Variants in KCNAB1 observed in about 807,000 individuals in gnomAD.
The protein encoded by KCNAB1 is potassium voltage-gated channel subfamily A regulatory beta subunit 1, also known as voltage-gated potassium channel subunit beta-1.
KCNAB1 carries 35 observed loss-of-function variants against 64.6 expected under a neutral mutation model. That is an observed-to-expected ratio of 0.54 (90% CI 0.41 to 0.72). KCNAB1 has a LOEUF of 0.72. Among genes scored for constraint, KCNAB1 ranks in the 30% least tolerant of loss-of-function variants. The pLI is 0.00. For synonymous variants in KCNAB1, 177 were observed against 183.8 expected, an observed-to-expected ratio of 0.96 and a Z score of 0.30; for missense variants, 401 against 512.9, an observed-to-expected ratio of 0.78 and a Z score of 2.11.
At chr3:156,200,081 CT>C (rs1187731833) in intron 1 of KCNAB1, among the ~76,000 whole-genome samples, 1 of 152,238 alleles carries the variant, frequency 6.6e-6, no homozygotes, top group Non-Finnish European at 1.5e-5. Context: ...TCAAGACCCT[CT>C]GCTGCAGGTC....
At chr3:156,286,496 C>T (rs551299018) in intron 1 of KCNAB1, among the ~76,000 whole-genome samples, 13 of 152,216 alleles carry the variant, frequency 8.5e-5, no homozygotes, top group African/African-American at 2.9e-4. Context: ...GAATATAAAC[C>T]GTAAATTCTG....
chr3:156,393,409 C>T (rs925835023), intron 1 of KCNAB1, among the ~76,000 whole-genome samples: 1 of 152,196 alleles, frequency 6.6e-6, no homozygotes, highest in African/African-American at 2.4e-5. Flanking sequence ...TCCTTCTCCC[C>T]CAGTTGCTGC....
chr3:156,370,921 C>T (rs1408640617), intron 1 of KCNAB1, among the ~76,000 whole-genome samples: 5 of 152,202 alleles, frequency 3.3e-5, no homozygotes, highest in Admixed American at 3.3e-4. Context: ...TTGTGAACAT[C>T]ATGCAGTTCA....
intron 1 of KCNAB1, among the ~76,000 whole-genome samples, chr3:156,180,864 AGTTT>A (rs1056467587): frequency 1.4e-4 from 22 of 152,200 alleles, no homozygotes; most frequent in Admixed American, 2.0e-4. Flanking sequence ...GATGTACATT[AGTTT>A]GTTTGGGTTG....
chr3:156,285,375 A>T (rs2108509917), intron 1 of KCNAB1, among the ~76,000 whole-genome samples: 1 of 152,356 alleles, frequency 6.6e-6, no homozygotes, highest in African/African-American at 2.4e-5. Context: ...AACTAATGAC[A>T]GTTGTAAAAA....
intron 1 of KCNAB1, among the ~76,000 whole-genome samples, chr3:156,147,321 G>T (rs1378750927): frequency 6.6e-6 from 1 of 152,178 alleles, no homozygotes; most frequent in African/African-American, 2.4e-5. Context: ...TTTGTGTAAG[G>T]AATAATATCC....
At chr3:156,128,646 C>A (rs963069248) in intron 1 of KCNAB1, among the ~76,000 whole-genome samples, 2 of 152,288 alleles carry the variant, frequency 1.3e-5, no homozygotes, top group African/African-American at 4.8e-5. Flanking sequence ...TGTGCCTGAT[C>A]ATCTAGGCCC....
chr3:156,275,619 A>G (rs894833440), intron 1 of KCNAB1, among the ~76,000 whole-genome samples: 13 of 152,186 alleles, frequency 8.5e-5, no homozygotes, highest in African/African-American at 3.1e-4. Context: ...AATATTCTGA[A>G]TCATTTGTTG....
At chr3:156,253,436 AGCAGCAGGGC>A (rs1305657694) in intron 1 of KCNAB1, among the ~76,000 whole-genome samples, 1 of 152,152 alleles carries the variant, frequency 6.6e-6, no homozygotes, top group Non-Finnish European at 1.5e-5. Flanking sequence ...GCCTGTTAGG[AGCAGCAGGGC>A]TGAGTGCTAT....
chr3:156,120,445 T>C (rs1713268097), upstream of KCNAB1: 5 of 773,356 alleles, frequency 6.5e-6, no homozygotes, highest in Admixed American at 2.3e-5. Flanking sequence ...AGGTTAGAGA[T>C]ACATTTTCAT....
chr3:156,526,131 C>T (rs1234075655), intron 12 of KCNAB1, among the ~76,000 whole-genome samples: 3 of 152,100 alleles, frequency 2.0e-5, no homozygotes, highest in Admixed American at 1.3e-4. Flanking sequence ...GTGTTACAGC[C>T]GCCTATAGTA....
At chr3:156,462,188 A>G (rs1712964489) in intron 5 of KCNAB1, among the ~76,000 whole-genome samples, 3 of 152,374 alleles carry the variant, frequency 2.0e-5, no homozygotes, top group African/African-American at 7.2e-5. Flanking sequence ...TGTGGGAGTC[A>G]GTGACAATTT....
intron 1 of KCNAB1, among the ~76,000 whole-genome samples, chr3:156,401,623 C>A (rs1713895197): frequency 6.6e-6 from 1 of 152,216 alleles, no homozygotes; most frequent in African/African-American, 2.4e-5. Context: ...AATTAGAACT[C>A]AATTTCCTTC....
chr3:156,276,676 A>G (rs936484768), intron 1 of KCNAB1, among the ~76,000 whole-genome samples: 3 of 152,132 alleles, frequency 2.0e-5, no homozygotes, highest in African/African-American at 7.2e-5. Flanking sequence ...CTTAAAACTC[A>G]TGCATCAACC....
intron 1 of KCNAB1, among the ~76,000 whole-genome samples, chr3:156,301,675 A>G (rs1284273661): frequency 6.6e-6 from 1 of 152,208 alleles, no homozygotes; most frequent in African/African-American, 2.4e-5. Flanking sequence ...TCACTCAAAT[A>G]CAGTTTCTCC....
chr3:156,479,042 G>C (rs1004172146), intron 8 of KCNAB1, among the ~76,000 whole-genome samples: 1 of 152,050 alleles, frequency 6.6e-6, no homozygotes, highest in Admixed American at 6.6e-5. Context: ...TTTTTCCTCT[G>C]TCCCTCTTGT....
At chr3:156,299,360 T>C (rs559996198) in intron 1 of KCNAB1, among the ~76,000 whole-genome samples, 2 of 152,242 alleles carry the variant, frequency 1.3e-5, no homozygotes, top group African/African-American at 4.8e-5. Flanking sequence ...TGTAGAGCCA[T>C]GAGGACCCCA....
At chr3:156,200,765 G>C (rs1344609944) in intron 1 of KCNAB1, among the ~76,000 whole-genome samples, 1 of 152,180 alleles carries the variant, frequency 6.6e-6, no homozygotes. Context: ...AATGGGACCC[G>C]CTGAATGAGA....
chr3:156,440,358 T>C (rs956782294), intron 2 of KCNAB1, among the ~76,000 whole-genome samples: 1 of 152,262 alleles, frequency 6.6e-6, no homozygotes, highest in Admixed American at 6.5e-5. Flanking sequence ...TATAACATCA[T>C]CACCTCTATG....
Sources: gnomAD v4.1 joint callset for allele counts (sites outside exome capture counted in the v4.1 genomes callset) on GRCh38, gnomAD v4.1.1 for gene constraint, MANE v1.5 for transcripts, NCBI Gene and HGNC (gene_info 2026-07-23, HGNC 2026-07-21) for gene names.